The following GABRA3 variants were observed in gnomAD, a reference collection of about 807,000 sequenced individuals.
The protein encoded by GABRA3 is gamma-aminobutyric acid type A receptor subunit alpha3.
Under a neutral mutation model 30.1 loss-of-function variants are expected in GABRA3, and 10 were observed. The observed-to-expected ratio is 0.33, with a 90% confidence interval of 0.20 to 0.56. The LOEUF is 0.56. Among genes scored for constraint, GABRA3 ranks in the 20% least tolerant of loss-of-function variants. GABRA3 has a pLI of 0.89. For missense variants in GABRA3, 233 were observed against 392.0 expected, an observed-to-expected ratio of 0.59 and a Z score of 3.42; for synonymous variants, 151 against 146.8, an observed-to-expected ratio of 1.03 and a Z score of -0.21.
In GABRA3 at chrX:152,179,113, GCA is replaced by G. The variant is rs759392120; in HGVS notation, c.1144-10552_1144-10551del. Among the ~76,000 whole-genome samples the G allele has an allele frequency of 8.1e-5, 9 of 111,717 alleles. No homozygotes were observed. The South Asian group carries it at 1.5e-3, about 19-fold the overall frequency. ...TGGTTCCTTTGCAAATTTGCTTGCT[GCA>G]CAGTTGTCACTTTAGTACTTCACTT... On this transcript the variant is annotated intron_variant, in intron 9 of 9. Coordinates refer to ENST00000370314, the MANE Select transcript of GABRA3 (RefSeq NM_000808.4).
chrX:152,225,739 T>C lies in GABRA3; in HGVS notation c.552-894A>G, dbSNP rs953602454. Among the ~76,000 whole-genome samples, 13 of 109,642 alleles carry C rather than the reference T, an allele frequency of 1.2e-4. 1 individual carries two copies. Among genetic ancestry groups the C allele is most frequent in the South Asian group, 8.0e-4 (2 of 2,487 alleles). On this transcript the variant is annotated intron_variant, in intron 5 of 9. Transcript: ENST00000370314. ...CCTCGGGTTAGATAGTAGCCTCCTA[T>C]GTAGAAATGGGGCTCACACAGCAAA...
intron 1 of GABRA3, among the ~76,000 whole-genome samples, chrX:152,406,594 ATT>A (rs887006541): frequency 1.1e-4 from 11 of 100,935 alleles, no homozygotes; most frequent in East Asian, 9.9e-4. Flanking sequence ...ATATATATAT[ATT>A]TTTATATGGC....
At chrX:152,412,456 G>A (rs749670403) in intron 1 of GABRA3, among the ~76,000 whole-genome samples, 1 of 111,975 alleles carries the variant, frequency 8.9e-6, no homozygotes, top group Non-Finnish European at 1.9e-5. Flanking sequence ...AAACAAATGT[G>A]ACATACACAT....
intron 1 of GABRA3, among the ~76,000 whole-genome samples, chrX:152,435,278 A>C (rs1463922096): frequency 2.7e-5 from 3 of 111,206 alleles, no homozygotes; most frequent in African/African-American, 6.5e-5. Flanking sequence ...TCACTCTACT[A>C]TAAAGGTGCA....
intron 1 of GABRA3, among the ~76,000 whole-genome samples, chrX:152,375,281 G>T (rs1295906165): frequency 1.8e-5 from 2 of 109,978 alleles, no homozygotes; most frequent in Non-Finnish European, 3.8e-5. Context: ...ATCATTTTCA[G>T]TATTTCACTG....
At chrX:152,360,750 ATAAAT>A (rs1333414991) in intron 2 of GABRA3, among the ~76,000 whole-genome samples, 2 of 75,799 alleles carry the variant, frequency 2.6e-5, no homozygotes, top group Non-Finnish European at 5.0e-5. Context: ...AAAAAAAAAA[ATAAAT>A]TAAAAAAAAA....
intron 1 of GABRA3, among the ~76,000 whole-genome samples, chrX:152,426,567 C>G (rs758024710): frequency 7.2e-5 from 8 of 111,732 alleles, no homozygotes; most frequent in African/African-American, 2.6e-4. Flanking sequence ...GATTCTATCT[C>G]ACTTCTAAGA....
intron 3 of GABRA3, among the ~76,000 whole-genome samples, chrX:152,317,631 A>G (rs974951548): frequency 3.6e-5 from 4 of 112,107 alleles, no homozygotes; most frequent in Non-Finnish European, 7.5e-5. Flanking sequence ...CTCAGACCAC[A>G]GTGGAATAAA....
At chrX:152,369,696 C>T (rs904556095) in intron 1 of GABRA3, among the ~76,000 whole-genome samples, 2 of 111,403 alleles carry the variant, frequency 1.8e-5, no homozygotes, top group African/African-American at 6.5e-5. Context: ...CCTCATACAT[C>T]CTATACAGTT....
At chrX:152,385,846 G>A (rs1159042977) in intron 1 of GABRA3, among the ~76,000 whole-genome samples, 90 of 111,410 alleles carry the variant, frequency 8.1e-4, no homozygotes, top group African/African-American at 2.7e-3. Flanking sequence ...TTATTAAATA[G>A]GGAATCCTTT....
intron 3 of GABRA3, among the ~76,000 whole-genome samples, chrX:152,307,321 C>T (rs1488447142): frequency 1.8e-5 from 2 of 111,928 alleles, no homozygotes; most frequent in Middle Eastern, 4.6e-3. Flanking sequence ...ATCACCAGTA[C>T]TATCATATCC....
At chrX:152,288,078 G>A (rs1440554429) in intron 3 of GABRA3, among the ~76,000 whole-genome samples, 1 of 112,203 alleles carries the variant, frequency 8.9e-6, no homozygotes, top group Non-Finnish European at 1.9e-5. Context: ...GCAGTCAGGT[G>A]TGGAAAAGAG....
intron 1 of GABRA3, among the ~76,000 whole-genome samples, chrX:152,438,666 T>C (rs1602731034): frequency 1.8e-5 from 2 of 112,071 alleles, no homozygotes; most frequent in East Asian, 2.8e-4. Flanking sequence ...TATCAAGCCA[T>C]GATAATACAT....
chrX:152,225,729 T>C (rs1030486296), intron 5 of GABRA3, among the ~76,000 whole-genome samples: 3 of 109,573 alleles, frequency 2.7e-5, no homozygotes, highest in African/African-American at 1.0e-4. Context: ...GGTTAGATAG[T>C]AGCCTCCTAT....
intron 1 of GABRA3, among the ~76,000 whole-genome samples, chrX:152,377,738 T>A (rs1312927694): frequency 9.0e-6 from 1 of 111,639 alleles, no homozygotes; most frequent in Non-Finnish European, 1.9e-5. Flanking sequence ...GACAGCCTCA[T>A]AGAGCAAGGA....
rs900365745 is a variant in GABRA3 at position 152,324,688 on chromosome X, T to C, written c.262+20893A>G. ...TAAAGACATAGAAGACATGATTCAA[T>C]GATACAGATAAAAATTATAGTCAAT... On this transcript the variant is annotated intron_variant, in intron 3 of 9. Coordinates refer to ENST00000370314, the MANE Select transcript of GABRA3 (RefSeq NM_000808.4). Among the ~76,000 whole-genome samples the C allele has an allele frequency of 3.6e-5, 4 of 111,789 alleles. No individual in the cohort carries two copies. In the East Asian group the frequency reaches 8.3e-4, roughly 23 times the overall value.
intron 3 of GABRA3, among the ~76,000 whole-genome samples, chrX:152,309,168 C>T (rs1438119242): frequency 8.9e-6 from 1 of 111,792 alleles, no homozygotes; most frequent in African/African-American, 3.2e-5. Flanking sequence ...GATTCATTGG[C>T]ATCTCTCAAA....
intron 5 of GABRA3, among the ~76,000 whole-genome samples, chrX:152,244,696 G>A (rs1393625733): frequency 1.8e-5 from 2 of 111,601 alleles, no homozygotes; most frequent in East Asian, 5.6e-4. Flanking sequence ...GTGAGGTTCT[G>A]GTTATCATAA....
intron 2 of GABRA3, among the ~76,000 whole-genome samples, chrX:152,354,231 T>A (rs1940518221): frequency 9.0e-6 from 1 of 111,686 alleles, no homozygotes; most frequent in African/African-American, 3.3e-5. Context: ...CAATCCTAAC[T>A]CTTCTATTTT....
Sources: allele counts gnomAD v4.1 joint callset (sites outside exome capture counted in the v4.1 genomes callset), GRCh38; gene constraint gnomAD v4.1.1; transcripts MANE v1.5; gene names NCBI Gene and HGNC (gene_info 2026-07-23, HGNC 2026-07-21).